Variants in BICD1 observed in about 807,000 individuals in gnomAD.
BICD1 encodes the protein BICD cargo adaptor 1, also known as protein bicaudal D homolog 1.
A neutral mutation model predicts 92.5 loss-of-function variants in BICD1; 35 were observed. That is an observed-to-expected ratio of 0.38 (90% CI 0.29 to 0.50). BICD1 has a LOEUF of 0.50. Ranked by LOEUF, BICD1 falls within the 20% of genes least tolerant of loss-of-function variation. BICD1 has a pLI of 0.93. For synonymous variants in BICD1, 429 were observed against 465.1 expected (o/e 0.92, Z 1.00); for missense variants, 950 against 1,189.8 (o/e 0.80, Z 2.97).
chr12:32,327,950 A>C lies in BICD1; in HGVS notation c.1495A>C (p.Ser499Arg). The C allele has an allele frequency of 6.2e-7, 1 of 1,614,192 alleles. No homozygotes were observed. The highest frequency in any genetic ancestry group is 2.2e-5 in the East Asian group (1 of 44,874). ...GACCAGCATAGCCAACGAAAATCAC[A>C]GTACCCTTAATACGGCCCAGGATGA... ...KMTSIANENH[S>R]TLNTAQDELV... Residue 499 changes from serine (S) to arginine (R), a missense_variant, in exon 5 of 10, where the codon AGT (serine) becomes CGT (arginine). Transcript: ENST00000652176.
intron 8 of BICD1, among the ~76,000 whole-genome samples, chr12:32,342,184 A>G (rs2388985): frequency 1.0e-4 from 13 of 123,880 alleles, no homozygotes; most frequent in African/African-American, 1.9e-4. Context: ...ATATGTGTGT[A>G]TATATATATG....
In BICD1 at chr12:32,327,577, C is replaced by T. The variant is rs758526472; in HGVS notation, c.1122C>T (p.His374=). The T allele has an allele frequency of 8.7e-6, 14 of 1,613,892 alleles. No homozygotes were observed. The highest frequency in any genetic ancestry group is 4.0e-5 in the African/African-American group (3 of 74,852). ...AGCGGGTGCACCGGCTCACAGAGCA[C>T]GTCAATGCCATGAGGGGCCTGCAAA... ...QHERVHRLTE[H]VNAMRGLQSS... The change falls in exon 5 of 10, where the codon CAC becomes CAT. Residue 374 remains histidine (H), a synonymous_variant. Coordinates refer to ENST00000652176, the MANE Select transcript of BICD1 (RefSeq NM_001714.4).
chr12:32,357,012 C>CTT (rs35643247), intron 8 of BICD1, among the ~76,000 whole-genome samples: 54,339 of 129,312 alleles, frequency 0.42, 12,170 homozygotes, highest in Non-Finnish European at 0.5. Context: ...GATTCTCCTG[C>CTT]TTTTTTTTTT....
At chr12:32,271,713 G>C (rs1002956303) in intron 2 of BICD1, among the ~76,000 whole-genome samples, 2 of 152,120 alleles carry the variant, frequency 1.3e-5, no homozygotes, top group Admixed American at 1.3e-4. Context: ...CATCTTTTTG[G>C]AGTCCTCCTG....
intron 6 of BICD1, among the ~76,000 whole-genome samples, chr12:32,336,879 AG>A (rs1938148913): frequency 6.6e-6 from 1 of 152,190 alleles, no homozygotes; most frequent in South Asian, 2.1e-4. Context: ...TGGGAGACTG[AG>A]GCAAGAAGAT....
intron 1 of BICD1, among the ~76,000 whole-genome samples, chr12:32,113,016 CA>C (rs749574652): frequency 9.3e-4 from 142 of 152,194 alleles, no homozygotes; most frequent in Non-Finnish European, 1.6e-3. Flanking sequence ...CCCAGGGCCA[CA>C]AAACTAAACG....
intron 8 of BICD1, chr12:32,340,039 A>C: frequency 6.4e-6 from 6 of 934,840 alleles, no homozygotes; most frequent in Non-Finnish European, 6.4e-6. Context: ...CCTCATTTCT[A>C]TTCTCTCCTG....
intron 2 of BICD1, chr12:32,227,274 T>C (rs1328111360): frequency 6.6e-6 from 1 of 152,368 alleles, no homozygotes; most frequent in African/African-American, 2.4e-5. Flanking sequence ...TGCTGGTAAC[T>C]TTACAGTCAG....
At chr12:32,339,140 T>C in intron 8 of BICD1, 161 bp downstream of exon 8, 1 of 1,343,216 alleles carries the variant, frequency 7.4e-7, no homozygotes, top group African/African-American at 1.5e-5. Flanking sequence ...TAGCTTCCCA[T>C]TTCCTCCTTC....
At chr12:32,365,868 G>T (rs1229056052) in intron 8 of BICD1, among the ~76,000 whole-genome samples, 1 of 152,166 alleles carries the variant, frequency 6.6e-6, no homozygotes, top group African/African-American at 2.4e-5. Context: ...GCTGCAAAAT[G>T]GGAAAACGGA....
intron 2 of BICD1, among the ~76,000 whole-genome samples, chr12:32,233,237 G>T (rs575930854): frequency 6.7e-6 from 1 of 149,050 alleles, no homozygotes; most frequent in Admixed American, 6.9e-5. Context: ...CAAGAGAATC[G>T]CTTGAACCCA....
chr12:32,380,956 GA>G lies in BICD1; in HGVS notation c.*3332del, dbSNP rs1217795209. The G allele has an allele frequency of 2.0e-5, 3 of 152,036 alleles. No individual in the cohort carries two copies. The highest frequency in any genetic ancestry group is 7.2e-5 in the African/African-American group (3 of 41,430). The allele number at this position is 152,036 out of a possible 1,614,324, so 9.4% of individuals were successfully genotyped here. A position where few individuals can be genotyped will look rare whatever the true frequency, so the allele number is the denominator to read the frequency against. ...TTTTTAACACTGGGAAATTAACGTG[GA>G]AATTGATAATCATAAAGAATATTTG... On this transcript the variant is annotated 3_prime_UTR_variant, in exon 10 of 10. Transcript: ENST00000652176.
intron 2 of BICD1, among the ~76,000 whole-genome samples, chr12:32,271,992 G>A (rs1328409267): frequency 6.6e-6 from 1 of 151,942 alleles, no homozygotes; most frequent in Non-Finnish European, 1.5e-5. Flanking sequence ...TAATCTCTCT[G>A]GGCCTCAGTT....
rs1013262435 is a variant in BICD1 at position 32,332,965 on chromosome 12, G to A, written c.2101-1551G>A. The A allele has an allele frequency of 1.0e-5, 10 of 985,354 alleles. No homozygotes were observed. In the South Asian group the frequency reaches 4.2e-4, roughly 42 times the overall value. 61.0% of individuals were successfully genotyped at this position (985,354 alleles called of 1,614,324 possible). ...TGGATACTTAAAATTACTTAATTCT[G>A]GAAAAACTTTGCACAGTCAATGGAC... On this transcript the variant is annotated intron_variant, in intron 5 of 9. Transcript: ENST00000652176.
Position 32,380,744 on chromosome 12 carries a change from GAA to G in BICD1, c.*3120_*3121del, listed in dbSNP as rs1347163112. On this transcript the variant is annotated 3_prime_UTR_variant, in exon 10 of 10. Coordinates refer to ENST00000652176, the MANE Select transcript of BICD1 (RefSeq NM_001714.4). ...TAATTTGGAGAACTTTGAGAAAAAG[GAA>G]AACTGTTAAATAAGAAAAGACCTAT... 1.3e-5 allele frequency: 2 copies of G among 152,136 alleles called. No individual in the cohort carries two copies. Among genetic ancestry groups the G allele is most frequent in the East Asian group, 3.9e-4 (2 of 5,190 alleles). The allele number at this position is 152,136 out of a possible 1,614,324, so 9.4% of individuals were successfully genotyped here.
At chr12:32,305,562 G>T in intron 3 of BICD1, 135 bp from the exon 4 acceptor site, 2 of 695,164 alleles carry the variant, frequency 2.9e-6, no homozygotes, top group Non-Finnish European at 4.6e-6. Context: ...AGGATATATT[G>T]TGTGCTTTTT....
intron 1 of BICD1, among the ~76,000 whole-genome samples, chr12:32,117,782 C>T (rs1445856474): frequency 7.2e-6 from 1 of 139,548 alleles, no homozygotes; most frequent in Non-Finnish European, 1.5e-5. Context: ...CCATATTTCG[C>T]TCTCGTTGTC....
chr12:32,364,367 G>A (rs1480959654), intron 8 of BICD1, among the ~76,000 whole-genome samples: 1 of 152,158 alleles, frequency 6.6e-6, no homozygotes, highest in Non-Finnish European at 1.5e-5. Flanking sequence ...ATCACTCAGA[G>A]CCTGCAGCAT....
intron 1 of BICD1, among the ~76,000 whole-genome samples, chr12:32,201,381 A>G (rs1280772169): frequency 6.6e-6 from 1 of 152,196 alleles, no homozygotes; most frequent in African/African-American, 2.4e-5. Context: ...AAATGAAACC[A>G]CTAGACTTCT....
Sources: gnomAD v4.1 joint callset for allele counts (sites outside exome capture counted in the v4.1 genomes callset) on GRCh38, gnomAD v4.1.1 for gene constraint, MANE v1.5 for transcripts, NCBI Gene and HGNC (gene_info 2026-07-23, HGNC 2026-07-21) for gene names.